The following PCDHA2 variants were observed in gnomAD, a reference collection of about 807,000 sequenced individuals.
The protein encoded by PCDHA2 is protocadherin alpha-2.
A neutral mutation model predicts 66.0 loss-of-function variants in PCDHA2; 58 were observed. The ratio of observed to expected loss-of-function variants is 0.88; its 90% CI spans 0.71 to 1.09. PCDHA2 has a LOEUF of 1.09. PCDHA2 is among the 50% of genes least tolerant of loss of function. The pLI is 0.00. For missense variants in PCDHA2, 1,267 were observed against 1,242.3 expected (o/e 1.02, Z -0.30); for synonymous variants, 634 against 554.0 (o/e 1.14, Z -2.03).
chr5:140,906,456 G>T (rs527287837), intron 1 of PCDHA2, among the ~76,000 whole-genome samples: 1 of 152,278 alleles, frequency 6.6e-6, no homozygotes, highest in African/African-American at 2.4e-5. Context: ...ATAAAATGAA[G>T]ATATTTTCTT....
Position 140,957,818 on chromosome 5 carries a change from A to T in PCDHA2, c.2389-21131A>T, listed in dbSNP as rs568420954. On this transcript the variant is annotated intron_variant, in intron 1 of 3. Transcript: ENST00000526136. ...GTTAAGTAAAAAAAAGTCACAAATT[A>T]AGAGAAAGTGTTAATTGATTTGAGA... Among the ~76,000 whole-genome samples the T allele has an allele frequency of 9.3e-4, 141 of 151,940 alleles. 1 individual carries two copies. Among genetic ancestry groups the T allele is most frequent in the African/African-American group, 2.9e-3 (121 of 41,526 alleles).
Position 140,858,189 on chromosome 5 carries a change from T to C in PCDHA2, c.2388+60837T>C. The C allele has an allele frequency of 1.3e-6, 2 of 1,597,232 alleles. 1 individual carries two copies. Among genetic ancestry groups the C allele is most frequent in the Non-Finnish European group, 1.7e-6 (2 of 1,167,008 alleles). On this transcript the variant is annotated intron_variant, in intron 1 of 3. Coordinates refer to ENST00000526136, the MANE Select transcript of PCDHA2 (RefSeq NM_018905.3). ...TCCAGCTTGCTGGTGCTCACGCTGC[T>C]GCTGTACACTGCACTGAGGTGCTCG...
chr5:140,934,833 G>C (rs1584817572), intron 1 of PCDHA2, among the ~76,000 whole-genome samples: 1 of 152,100 alleles, frequency 6.6e-6, no homozygotes, highest in Admixed American at 6.5e-5. Context: ...GGCAAGTTGG[G>C]AACTGTTCAG....
At chr5:140,958,406 G>A (rs576536874) in intron 1 of PCDHA2, among the ~76,000 whole-genome samples, 2 of 152,204 alleles carry the variant, frequency 1.3e-5, no homozygotes, top group African/African-American at 4.8e-5. Context: ...CATTATCACT[G>A]ATGCTTGGAA....
rs1554124981 is a variant in PCDHA2, at chr5:140,809,069, A to G, written c.2388+11717A>G. ...CATCCCGTTCCGCGTGGGGCTGTAC[A>G]CTGGCGAGATCAGCACAACGCGTGC... On this transcript the variant is annotated intron_variant, in intron 1 of 3. Coordinates refer to ENST00000526136, the MANE Select transcript of PCDHA2 (RefSeq NM_018905.3). The G allele has an allele frequency of 2.9e-5, 47 of 1,613,780 alleles. No individual in the cohort carries two copies. The highest frequency in any genetic ancestry group is 3.8e-5 in the Non-Finnish European group (45 of 1,179,912).
intron 1 of PCDHA2, chr5:140,808,955 G>T (rs1369862214): frequency 1.9e-6 from 3 of 1,613,470 alleles, no homozygotes; most frequent in Admixed American, 1.7e-5. Context: ...TGTGGGCCAC[G>T]TGGTGGCAAA....
chr5:140,947,754 G>A (rs1295200380), intron 1 of PCDHA2, among the ~76,000 whole-genome samples: 2 of 151,334 alleles, frequency 1.3e-5, no homozygotes, highest in African/African-American at 2.4e-5. Flanking sequence ...TGTATTTTAT[G>A]GTTTAAAAAA....
At chr5:140,821,199 A>T (rs2150108932) in intron 1 of PCDHA2, among the ~76,000 whole-genome samples, 2 of 152,314 alleles carry the variant, frequency 1.3e-5, no homozygotes, top group Middle Eastern at 6.8e-3. Flanking sequence ...AAAACTCAAA[A>T]GTTTTAATTA....
intron 1 of PCDHA2, among the ~76,000 whole-genome samples, chr5:140,920,775 T>G (rs1007654952): frequency 5.4e-5 from 8 of 147,470 alleles, no homozygotes; most frequent in African/African-American, 1.8e-4. Context: ...ACCTGGGAGG[T>G]GGAGGTTGCA....
intron 1 of PCDHA2, among the ~76,000 whole-genome samples, chr5:140,846,706 T>C (rs1780634122): frequency 6.7e-6 from 1 of 149,360 alleles, no homozygotes. Context: ...GAGAAGATTG[T>C]AATAACCAGT....
At chr5:140,872,606 AT>A (rs1302987061) in intron 1 of PCDHA2, among the ~76,000 whole-genome samples, 2 of 151,888 alleles carry the variant, frequency 1.3e-5, no homozygotes, top group African/African-American at 2.4e-5. Flanking sequence ...TGAAAAAATA[AT>A]TTTTTTTGCC....
In PCDHA2 at chr5:140,952,512, CATCT is replaced by C. The variant is rs2094757607; in HGVS notation, c.2389-26436_2389-26433del. ...CAGTCCTCAGTAAGTTCCTCATCTC[CATCT>C]GAGACCTCCTCAGACTGGACTTCTT... On this transcript the variant is annotated intron_variant, in intron 1 of 3. Coordinates refer to ENST00000526136, the MANE Select transcript of PCDHA2 (RefSeq NM_018905.3). 2.0e-5 allele frequency among the ~76,000 whole-genome samples: 3 copies of C among 152,242 alleles called. No individual in the cohort carries two copies. The South Asian group carries it at 6.2e-4, about 32-fold the overall frequency.
chr5:141,000,385 C>CTA (rs2097909674), intron 3 of PCDHA2, among the ~76,000 whole-genome samples: 1 of 64,994 alleles, frequency 1.5e-5, no homozygotes, highest in Non-Finnish European at 2.9e-5. Context: ...CTCTCTCTCT[C>CTA]TCTCTCTCTC....
At chr5:140,802,724 G>C (rs1305715476) in intron 1 of PCDHA2, 6 of 1,612,466 alleles carry the variant, frequency 3.7e-6, no homozygotes, top group African/African-American at 1.3e-5. Flanking sequence ...GCTACGTGTC[G>C]GTACACGCGG....
intron 1 of PCDHA2, chr5:140,866,231 A>G (rs1467927263): frequency 1.3e-5 from 2 of 152,172 alleles, no homozygotes; most frequent in Non-Finnish European, 2.9e-5. Context: ...ACTAAATACT[A>G]TATACCAAAA....
In PCDHA2 at chr5:140,852,910, G is replaced by C. The variant is rs2150524838; in HGVS notation, c.2388+55558G>C. 404 of 797,110 alleles carry C rather than the reference G, an allele frequency of 5.1e-4. 8 individuals are homozygous for C. In the South Asian group the frequency reaches 0.02, roughly 39 times the overall value. 49.4% of individuals were successfully genotyped at this position (797,110 alleles called of 1,614,324 possible). A position where few individuals can be genotyped will look rare whatever the true frequency, so the allele number is the denominator to read the frequency against. ...ATTTTTTTTTTTGAGTCAGAGTCTCGCTCTGTTGCCCAGGCTGGAGTGCAG... is the reference window on the plus strand; with the variant it reads ...ATTTTTTTTTTTGAGTCAGAGTCTCCCTCTGTTGCCCAGGCTGGAGTGCAG... On this transcript the variant is annotated intron_variant, in intron 1 of 3. Transcript: ENST00000526136.
intron 1 of PCDHA2, chr5:140,967,201 A>T: frequency 6.2e-7 from 1 of 1,613,620 alleles, no homozygotes; most frequent in Non-Finnish European, 8.5e-7. Flanking sequence ...ACGACAACTC[A>T]CCGCGTTTCC....
chr5:140,807,118 G>A, intron 1 of PCDHA2: 1 of 1,530,056 alleles, frequency 6.5e-7, no homozygotes. Context: ...GCACTTGACT[G>A]ACCGATTAAA....
At chr5:140,884,173 C>T in intron 1 of PCDHA2, 1 of 1,613,432 alleles carries the variant, frequency 6.2e-7, no homozygotes, top group Non-Finnish European at 8.5e-7. Context: ...GCACGACGCG[C>T]CCTCTGGACG....
Sources: allele counts gnomAD v4.1 joint callset (sites outside exome capture counted in the v4.1 genomes callset), GRCh38; gene constraint gnomAD v4.1.1; transcripts MANE v1.5; gene names NCBI Gene and HGNC (gene_info 2026-07-23, HGNC 2026-07-21).